VOPP1: variants seen among roughly 807,000 people sequenced by gnomAD.
VOPP1 encodes VOPP1 WW domain binding protein, also known as WW domain binding protein VOPP1.
A neutral mutation model predicts 23.5 loss-of-function variants in VOPP1; 8 were observed. The ratio of observed to expected loss-of-function variants is 0.34; its 90% CI spans 0.20 to 0.61. The LOEUF (loss-of-function observed/expected upper bound fraction) is 0.61, where lower values mean the gene tolerates loss of function less well. Among genes scored for constraint, VOPP1 ranks in the 20% least tolerant of loss-of-function variants. The pLI, the probability that VOPP1 is intolerant of heterozygous loss-of-function variation, is 0.78. For synonymous variants in VOPP1, 83 were observed against 97.3 expected (o/e 0.85, Z 0.86); for missense variants, 174 against 238.1 (o/e 0.73, Z 1.77).
intron 4 of VOPP1, among the ~76,000 whole-genome samples, chr7:55,461,574 T>C (rs1248086386): frequency 1.3e-5 from 2 of 152,086 alleles, no homozygotes. Context: ...TGTGCCACCA[T>C]GCCCAGCTCA....
intron 4 of VOPP1, among the ~76,000 whole-genome samples, chr7:55,446,765 C>T (rs912466106): frequency 6.6e-6 from 1 of 152,170 alleles, no homozygotes; most frequent in African/African-American, 2.4e-5. Context: ...TTTAACAATG[C>T]CAGGCACTGT....
At chr7:55,491,550 C>G (rs1318565338) in intron 4 of VOPP1, among the ~76,000 whole-genome samples, 4 of 152,224 alleles carry the variant, frequency 2.6e-5, no homozygotes, top group Non-Finnish European at 5.9e-5. Context: ...CGAGCCAGCC[C>G]AGCCCTCCAG....
intron 1 of VOPP1, among the ~76,000 whole-genome samples, chr7:55,568,072 C>A (rs1798219758): frequency 7.2e-6 from 1 of 138,792 alleles, no homozygotes; most frequent in Non-Finnish European, 1.5e-5. Flanking sequence ...CTCTAAGAGA[C>A]AACTATTCCT....
At chr7:55,475,691 T>C (rs935138615) in intron 4 of VOPP1, among the ~76,000 whole-genome samples, 6 of 152,182 alleles carry the variant, frequency 3.9e-5, no homozygotes, top group African/African-American at 7.2e-5. Flanking sequence ...TTGTGGTTGA[T>C]GGTTGGGTTA....
chr7:55,522,014 G>T, intron 1 of VOPP1: 2 of 637,868 alleles, frequency 3.1e-6, no homozygotes, highest in Non-Finnish European at 2.0e-6. Flanking sequence ...AAAACATTAT[G>T]GTGCAAAGCT....
At chr7:55,464,074 G>C (rs753447219) in intron 4 of VOPP1, among the ~76,000 whole-genome samples, 1 of 152,176 alleles carries the variant, frequency 6.6e-6, no homozygotes, top group Non-Finnish European at 1.5e-5. Flanking sequence ...ACAGGCACAG[G>C]CTGTGGTGGG....
intron 2 of VOPP1, among the ~76,000 whole-genome samples, chr7:55,504,551 A>G (rs1468366204): frequency 6.6e-6 from 1 of 152,160 alleles, no homozygotes; most frequent in African/African-American, 2.4e-5. Context: ...AATCCACCCG[A>G]CCATTCAGTG....
At chr7:55,480,332 T>TA (rs1792611941) in intron 4 of VOPP1, among the ~76,000 whole-genome samples, 1 of 152,240 alleles carries the variant, frequency 6.6e-6, no homozygotes. Context: ...ATAAAGTACT[T>TA]ACGCACTTTG....
At chr7:55,506,645 CT>C (rs60854275) in intron 2 of VOPP1, among the ~76,000 whole-genome samples, 135,370 of 151,230 alleles carry the variant, frequency 0.9, 60,725 homozygotes, top group African/African-American at 0.92. Flanking sequence ...CCACAAGCTT[CT>C]TTTTTTTTTG....
At chr7:55,450,423 G>A (rs777232694) in intron 4 of VOPP1, among the ~76,000 whole-genome samples, 5 of 152,114 alleles carry the variant, frequency 3.3e-5, no homozygotes, top group South Asian at 2.1e-4. Context: ...ACTCACCAGC[G>A]CTACCAGCTC....
chr7:55,551,665 G>A (rs755742802), intron 1 of VOPP1, among the ~76,000 whole-genome samples: 4 of 152,176 alleles, frequency 2.6e-5, no homozygotes, highest in East Asian at 1.9e-4. Flanking sequence ...CTGAGGTGGA[G>A]GAAGAGGGCC....
intron 4 of VOPP1, among the ~76,000 whole-genome samples, chr7:55,444,709 G>A (rs1791052314): frequency 2.2e-5 from 2 of 91,662 alleles, no homozygotes; most frequent in South Asian, 7.6e-4. Context: ...CAGCTTCGTA[G>A]AAACTCTTTT....
intron 4 of VOPP1, among the ~76,000 whole-genome samples, chr7:55,487,694 G>A (rs192398879): frequency 2.0e-5 from 3 of 152,344 alleles, no homozygotes; most frequent in Admixed American, 1.3e-4. Flanking sequence ...TGGTCTTGCC[G>A]TACCAGCAAA....
At chr7:55,521,190 G>A in intron 1 of VOPP1, 60 bp from the exon 2 acceptor site, 1 of 1,496,686 alleles carries the variant, frequency 6.7e-7, no homozygotes, top group South Asian at 1.2e-5. Context: ...TTGTTGAGAA[G>A]CTCTCACAAA....
chr7:55,519,156 G>A (rs779136659), intron 2 of VOPP1, among the ~76,000 whole-genome samples: 28 of 152,154 alleles, frequency 1.8e-4, no homozygotes, highest in Non-Finnish European at 3.7e-4. Context: ...TGTTCTCATG[G>A]TGACTTCACT....
chr7:55,467,257 GA>G (rs1791656177), downstream of VOPP1, among the ~76,000 whole-genome samples: 1 of 152,236 alleles, frequency 6.6e-6, no homozygotes, highest in African/African-American at 2.4e-5. Context: ...CCCTTTGTGA[GA>G]AAACAAGCTC....
intron 1 of VOPP1, among the ~76,000 whole-genome samples, chr7:55,566,461 C>G (rs1428713567): frequency 6.8e-6 from 1 of 147,980 alleles, no homozygotes; most frequent in Non-Finnish European, 1.5e-5. Flanking sequence ...ACTCAGGAGG[C>G]TGAGGCAGGA....
At chr7:55,466,134 C>T (rs538293895), downstream of VOPP1, among the ~76,000 whole-genome samples, 1 of 152,326 alleles carries the variant, frequency 6.6e-6, no homozygotes, top group East Asian at 1.9e-4. Context: ...AGACACTCAC[C>T]AGACACCGAA....
chr7:55,475,932 C>T (rs56069701), intron 4 of VOPP1, among the ~76,000 whole-genome samples: 9,256 of 152,270 alleles, frequency 0.061, 389 homozygotes, highest in Middle Eastern at 0.092. Context: ...CAAGGTCACG[C>T]TACCGCTAGA....
Sources: gnomAD v4.1 joint callset for allele counts (sites outside exome capture counted in the v4.1 genomes callset) on GRCh38, gnomAD v4.1.1 for gene constraint, MANE v1.5 for transcripts, NCBI Gene and HGNC (gene_info 2026-07-23, HGNC 2026-07-21) for gene names.